The following LHFPL6 variants were observed in gnomAD, a reference collection of about 807,000 sequenced individuals.
LHFPL6 encodes LHFPL tetraspan subfamily member 6 protein.
A neutral mutation model predicts 20.6 loss-of-function variants in LHFPL6; 9 were observed. The ratio of observed to expected loss-of-function variants is 0.44; its 90% CI spans 0.26 to 0.76. The LOEUF is 0.76. Ranked by LOEUF, LHFPL6 falls within the 30% of genes least tolerant of loss-of-function variation. LHFPL6 has a pLI of 0.20. For synonymous variants in LHFPL6, 105 were observed against 98.7 expected (o/e 1.06, Z -0.38); for missense variants, 218 against 253.5 (o/e 0.86, Z 0.95).
At chr13:39,496,586 G>A (rs144347278) in intron 2 of LHFPL6, among the ~76,000 whole-genome samples, 59 of 152,328 alleles carry the variant, frequency 3.9e-4, no homozygotes, top group African/African-American at 1.3e-3. Flanking sequence ...AGGACCAGAT[G>A]TCTGAGTGTC....
At chr13:39,562,583 CATAT>C (rs144337340) in intron 2 of LHFPL6, among the ~76,000 whole-genome samples, 5 of 79,394 alleles carry the variant, frequency 6.3e-5, no homozygotes, top group Non-Finnish European at 8.4e-5. Context: ...CATATATACA[CATAT>C]ATACATATAT....
chr13:39,357,771 T>C (rs1471953903), intron 3 of LHFPL6, among the ~76,000 whole-genome samples: 2 of 152,074 alleles, frequency 1.3e-5, no homozygotes, highest in African/African-American at 4.8e-5. Flanking sequence ...ATAAAATACC[T>C]AGGAATACAT....
At chr13:39,432,236 C>T (rs1001701052) in intron 2 of LHFPL6, among the ~76,000 whole-genome samples, 2 of 152,198 alleles carry the variant, frequency 1.3e-5, no homozygotes, top group African/African-American at 4.8e-5. Flanking sequence ...TTTGTTATAA[C>T]AGCACAAATA....
At chr13:39,485,797 C>CAAG (rs1868705524) in intron 2 of LHFPL6, among the ~76,000 whole-genome samples, 1 of 152,122 alleles carries the variant, frequency 6.6e-6, no homozygotes, top group Non-Finnish European at 1.5e-5. Context: ...CTTTGACCTC[C>CAAG]TATAACATTT....
chr13:39,466,003 G>A lies in LHFPL6; in HGVS notation c.386-87477C>T, dbSNP rs756574156. The stretch of plus-strand genomic sequence containing the variant: ...TAAGTGTGGCACTACTGGGTAGAAC[G>A]TTCATGGTCTTCCCTGGAGCCCTGC... On this transcript the variant is annotated intron_variant, in intron 2 of 3. Coordinates refer to ENST00000379589, the MANE Select transcript of LHFPL6 (RefSeq NM_005780.3). Among the ~76,000 whole-genome samples the A allele has an allele frequency of 3.3e-5, 5 of 152,020 alleles. No individual in the cohort carries two copies. The South Asian group carries it at 8.3e-4, about 25-fold the overall frequency.
At chr13:39,528,918 T>C (rs1168305262) in intron 2 of LHFPL6, among the ~76,000 whole-genome samples, 2 of 152,164 alleles carry the variant, frequency 1.3e-5, no homozygotes, top group Non-Finnish European at 2.9e-5. Context: ...TATGGCTTGA[T>C]TTTCGAAGAA....
At chr13:39,468,066 T>A (rs1872848221) in intron 2 of LHFPL6, among the ~76,000 whole-genome samples, 2 of 152,332 alleles carry the variant, frequency 1.3e-5, no homozygotes, top group Non-Finnish European at 1.5e-5. Flanking sequence ...TTGTTCCTCT[T>A]GGTTCCACAT....
At chr13:39,515,373 G>A (rs746093201) in intron 2 of LHFPL6, among the ~76,000 whole-genome samples, 4 of 152,176 alleles carry the variant, frequency 2.6e-5, no homozygotes, top group Non-Finnish European at 4.4e-5. Flanking sequence ...TCAGCATCAG[G>A]AAACAAGGTC....
intron 3 of LHFPL6, among the ~76,000 whole-genome samples, chr13:39,352,490 T>A (rs187554300): frequency 6.6e-6 from 1 of 152,324 alleles, no homozygotes; most frequent in African/African-American, 2.4e-5. Context: ...GCCCTCTGAC[T>A]GCATGCCATT....
chr13:39,373,766 A>G (rs760080726), intron 3 of LHFPL6, among the ~76,000 whole-genome samples: 4 of 152,210 alleles, frequency 2.6e-5, no homozygotes, highest in Non-Finnish European at 5.9e-5. Flanking sequence ...CAGCTAACAA[A>G]CATGAGAAAA....
chr13:39,456,921 C>A (rs1872585424), intron 2 of LHFPL6, among the ~76,000 whole-genome samples: 1 of 152,032 alleles, frequency 6.6e-6, no homozygotes, highest in African/African-American at 2.4e-5. Context: ...CTCAGCCTCC[C>A]AAGAAGCTGG....
intron 2 of LHFPL6, among the ~76,000 whole-genome samples, chr13:39,520,785 G>A (rs1870083684): frequency 2.6e-5 from 4 of 152,190 alleles, no homozygotes; most frequent in Admixed American, 2.6e-4. Flanking sequence ...CTAGAGCAGA[G>A]ACTTTCAACC....
At chr13:39,572,025 G>A (rs1344560927) in intron 2 of LHFPL6, among the ~76,000 whole-genome samples, 1 of 152,192 alleles carries the variant, frequency 6.6e-6, no homozygotes, top group East Asian at 1.9e-4. Flanking sequence ...GCATCAATAT[G>A]TCCAAGGTTA....
At chr13:39,487,751 G>A (rs994837793) in intron 2 of LHFPL6, among the ~76,000 whole-genome samples, 1 of 152,168 alleles carries the variant, frequency 6.6e-6, no homozygotes, top group African/African-American at 2.4e-5. Flanking sequence ...GCTCACGCCT[G>A]TAATCCCAGC....
At position 39,528,418 on chromosome 13, in the gene LHFPL6, T is replaced by C. The variant is rs1244805541; in HGVS notation, c.385+72414A>G. 2.0e-5 allele frequency among the ~76,000 whole-genome samples: 3 copies of C among 152,230 alleles called. No homozygotes were observed. The East Asian group carries it at 5.8e-4, about 29-fold the overall frequency. ...TCCCATGGTCACCTCCTAGAGAATT[T>C]AAAAGCAGCCTGGAGACCCCAAAGA... On this transcript the variant is annotated intron_variant, in intron 2 of 3. Coordinates refer to ENST00000379589, the MANE Select transcript of LHFPL6 (RefSeq NM_005780.3).
chr13:39,587,290 C>T (rs1295527885), intron 2 of LHFPL6, among the ~76,000 whole-genome samples: 2 of 152,182 alleles, frequency 1.3e-5, no homozygotes, highest in Non-Finnish European at 2.9e-5. Flanking sequence ...TTACCATTCC[C>T]TGAACTCCCA....
At chr13:39,541,310 G>T (rs960422445) in intron 2 of LHFPL6, among the ~76,000 whole-genome samples, 5 of 152,102 alleles carry the variant, frequency 3.3e-5, no homozygotes, top group Admixed American at 1.3e-4. Context: ...TTCCATGTTT[G>T]CTCTTTATGA....
At chr13:39,353,509 G>A (rs1869647410) in intron 3 of LHFPL6, among the ~76,000 whole-genome samples, 2 of 151,604 alleles carry the variant, frequency 1.3e-5, no homozygotes, top group South Asian at 2.1e-4. Flanking sequence ...GGCAGATCAC[G>A]AGGTCAGGAG....
At chr13:39,428,506 G>T (rs149410029) in intron 2 of LHFPL6, among the ~76,000 whole-genome samples, 2 of 151,984 alleles carry the variant, frequency 1.3e-5, no homozygotes, top group African/African-American at 4.8e-5. Context: ...TAATCTTCCC[G>T]TATTATCATT....
Sources: gnomAD v4.1 joint callset for allele counts (sites outside exome capture counted in the v4.1 genomes callset) on GRCh38, gnomAD v4.1.1 for gene constraint, MANE v1.5 for transcripts, NCBI Gene and HGNC (gene_info 2026-07-23, HGNC 2026-07-21) for gene names.